Variants in RAVER2 observed in about 807,000 individuals in gnomAD.
RAVER2 encodes the protein ribonucleoprotein, PTB binding 2, also known as ribonucleoprotein PTB-binding 2.
A neutral mutation model predicts 78.1 loss-of-function variants in RAVER2; 46 were observed. The ratio of observed to expected loss-of-function variants is 0.59; its 90% CI spans 0.46 to 0.75. The LOEUF is 0.75. Ranked by LOEUF, RAVER2 falls within the 30% of genes least tolerant of loss-of-function variation. The probability of loss-of-function intolerance (pLI) is 0.00; values close to 1 mark genes in which losing one functional copy is unlikely to be tolerated. For missense variants in RAVER2, 793 were observed against 837.5 expected (o/e 0.95, Z 0.66); for synonymous variants, 311 against 313.3 (o/e 0.99, Z 0.08).
intron 5 of RAVER2, among the ~76,000 whole-genome samples, chr1:64,789,898 A>C (rs1652888940): frequency 6.6e-6 from 1 of 152,204 alleles, no homozygotes; most frequent in African/African-American, 2.4e-5. Context: ...TTTGTTGAAA[A>C]GTGCCAAGTG....
chr1:64,821,791 G>T (rs1653894090), intron 11 of RAVER2, among the ~76,000 whole-genome samples: 1 of 152,154 alleles, frequency 6.6e-6, no homozygotes, highest in Non-Finnish European at 1.5e-5. Flanking sequence ...AGACTTAAAT[G>T]TAAAACACAA....
Position 64,784,481 on chromosome 1 carries a change from T to G in RAVER2, c.978+2910T>G, listed in dbSNP as rs551529804. On this transcript the variant is annotated intron_variant, in intron 4 of 11. Transcript: ENST00000294428. ...ATGTGTTCTTTCCCTAACTTATTTT[T>G]TCCCCCTAAGAGCTGATATCAGTAG... Among the ~76,000 whole-genome samples the G allele has an allele frequency of 7.9e-5, 12 of 152,304 alleles. No homozygotes were observed. The East Asian group carries it at 2.3e-3, about 29-fold the overall frequency.
At chr1:64,784,001 G>A (rs1652709133) in intron 4 of RAVER2, among the ~76,000 whole-genome samples, 1 of 152,170 alleles carries the variant, frequency 6.6e-6, no homozygotes, top group Non-Finnish European at 1.5e-5. Context: ...AAGTGAATCT[G>A]TTCTCATTAA....
chr1:64,768,009 C>T (rs1396325532), intron 1 of RAVER2, among the ~76,000 whole-genome samples: 1 of 151,932 alleles, frequency 6.6e-6, no homozygotes, highest in Admixed American at 6.6e-5. Flanking sequence ...ATAAATGGAA[C>T]TGCATGCTAT....
intron 5 of RAVER2, among the ~76,000 whole-genome samples, chr1:64,801,325 C>G (rs1163361595): frequency 1.3e-5 from 2 of 151,314 alleles, no homozygotes; most frequent in African/African-American, 2.4e-5. Flanking sequence ...TCTCGAACTC[C>G]TGACCTCAAA....
At chr1:64,802,327 A>G (rs560527040) in intron 5 of RAVER2, among the ~76,000 whole-genome samples, 146 of 152,174 alleles carry the variant, frequency 9.6e-4, no homozygotes, top group Admixed American at 1.8e-3. Flanking sequence ...CCTAACTTCT[A>G]TTCAAGATGG....
chr1:64,779,497 T>TA (rs1223646649), intron 3 of RAVER2, among the ~76,000 whole-genome samples: 1 of 151,960 alleles, frequency 6.6e-6, no homozygotes, highest in Non-Finnish European at 1.5e-5. Flanking sequence ...GCCTCCCAAG[T>TA]AGCTAGGACT....
At chr1:64,812,914 T>C in intron 10 of RAVER2, 65 bp downstream of exon 10, 4 of 1,257,730 alleles carry the variant, frequency 3.2e-6, no homozygotes, top group Non-Finnish European at 4.3e-6. Context: ...TAAGTTTTAC[T>C]TTAATTTTTG....
chr1:64,805,023 G>A, exon 8 of RAVER2: 1 of 1,613,860 alleles, frequency 6.2e-7, no homozygotes, highest in Non-Finnish European at 8.5e-7. Context: ...CCCCAGCTGT[G>A]GTACTTCAGA....
chr1:64,799,429 G>A (rs1158530846), intron 5 of RAVER2, among the ~76,000 whole-genome samples: 1 of 151,966 alleles, frequency 6.6e-6, no homozygotes, highest in Non-Finnish European at 1.5e-5. Flanking sequence ...TCTTTGGTTT[G>A]TTGTTGTTTT....
At chr1:64,778,619 A>G (rs1222174706) in intron 3 of RAVER2, among the ~76,000 whole-genome samples, 2 of 152,154 alleles carry the variant, frequency 1.3e-5, no homozygotes, top group East Asian at 1.9e-4. Context: ...TGAGACATCT[A>G]GAGAAGATCC....
At chr1:64,789,684 T>C (rs1411213339) in intron 5 of RAVER2, among the ~76,000 whole-genome samples, 170 bp downstream of exon 5, 2 of 152,160 alleles carry the variant, frequency 1.3e-5, no homozygotes, top group African/African-American at 4.8e-5. Flanking sequence ...TAATCTGAGG[T>C]GATATATTTT....
chr1:64,830,875 TATCTC>T lies in RAVER2; in HGVS notation c.1972_1976del (p.Ile658CysfsTer11). On this transcript the variant is annotated frameshift_variant, in exon 12 of 12. Transcript: ENST00000294428. LOFTEE classifies it high-confidence loss of function. ...AAGAAATGAAAAGCGAGGCTCATCA[TATCTC>T]ATCTCTGCCCCAGAAGGTGGTTCAG... 1 of 1,612,758 alleles carries T rather than the reference TATCTC, an allele frequency of 6.2e-7. No individual in the cohort carries two copies. The highest frequency in any genetic ancestry group is 1.1e-5 in the South Asian group (1 of 91,000).
chr1:64,812,796 G>A (rs1264708981), exon 10 of RAVER2: 1 of 1,611,808 alleles, frequency 6.2e-7, no homozygotes, highest in East Asian at 2.2e-5. Context: ...ATTCGGCTCA[G>A]TAAAAATCCA....
intron 1 of RAVER2, among the ~76,000 whole-genome samples, chr1:64,758,029 A>G (rs766432846): frequency 1.1e-4 from 17 of 152,038 alleles, no homozygotes; most frequent in Non-Finnish European, 2.4e-4. Context: ...TTCAGGCTCC[A>G]TCCTCCTGCA....
intron 1 of RAVER2, among the ~76,000 whole-genome samples, chr1:64,765,864 A>G (rs903831848): frequency 6.6e-6 from 1 of 152,246 alleles, no homozygotes; most frequent in Admixed American, 6.5e-5. Flanking sequence ...TTTTTAATCT[A>G]TGAAAACATT....
chr1:64,831,857 C>G (rs535613305), exon 12 of RAVER2: 94 of 152,308 alleles, frequency 6.2e-4, no homozygotes, highest in African/African-American at 2.2e-3. Context: ...CATGCTCATT[C>G]ATTTACGTGT....
chr1:64,761,847 C>T (rs1328881987), intron 1 of RAVER2, among the ~76,000 whole-genome samples: 2 of 152,046 alleles, frequency 1.3e-5, no homozygotes, highest in Non-Finnish European at 2.9e-5. Flanking sequence ...CGGTGGTTTA[C>T]GCCTGTAATC....
At chr1:64,788,379 G>A (rs1305965130) in intron 4 of RAVER2, among the ~76,000 whole-genome samples, 1 of 151,832 alleles carries the variant, frequency 6.6e-6, no homozygotes, top group Admixed American at 6.6e-5. Context: ...GGCTGAGGCA[G>A]GAGAATGGCG....
Sources: allele counts gnomAD v4.1 joint callset (sites outside exome capture counted in the v4.1 genomes callset), GRCh38; gene constraint gnomAD v4.1.1; transcripts MANE v1.5; gene names NCBI Gene and HGNC (gene_info 2026-07-23, HGNC 2026-07-21).